Variants in NELL1 observed in about 807,000 individuals in gnomAD.
NELL1 encodes neural EGFL like 1, also known as protein kinase C-binding protein NELL1.
A neutral mutation model predicts 107.4 loss-of-function variants in NELL1; 76 were observed. The ratio of observed to expected loss-of-function variants is 0.71; its 90% confidence interval spans 0.59 to 0.86. NELL1 has a LOEUF of 0.86. Among genes scored for constraint, NELL1 ranks in the 40% least tolerant of loss-of-function variants. The pLI is 0.00. For synonymous variants in NELL1, 353 were observed against 341.2 expected, an observed-to-expected ratio of 1.03 and a Z score of -0.38; for missense variants, 1,024 against 1,005.5, an observed-to-expected ratio of 1.02 and a Z score of -0.25.
At chr11:20,704,417 C>T (rs771938808) in intron 2 of NELL1, among the ~76,000 whole-genome samples, 4 of 152,076 alleles carry the variant, frequency 2.6e-5, no homozygotes, top group Admixed American at 6.6e-5. Flanking sequence ...TGAGATGGGT[C>T]TCCTGAACAC....
intron 12 of NELL1, among the ~76,000 whole-genome samples, chr11:20,992,778 G>A (rs1321804710): frequency 2.8e-5 from 4 of 143,346 alleles, no homozygotes; most frequent in Non-Finnish European, 4.5e-5. Flanking sequence ...GCAATGGTGC[G>A]ATCTTGGCTC....
chr11:20,948,950 C>CT (rs200827438), intron 11 of NELL1, among the ~76,000 whole-genome samples: 66 of 150,992 alleles, frequency 4.4e-4, no homozygotes, highest in Admixed American at 2.0e-3. Flanking sequence ...TCATATTTTG[C>CT]TTTTTTTTTC....
chr11:21,010,424 C>A (rs986779351), intron 12 of NELL1, among the ~76,000 whole-genome samples: 1 of 152,080 alleles, frequency 6.6e-6, no homozygotes, highest in African/African-American at 2.4e-5. Flanking sequence ...GAGCTAGGAT[C>A]AACTGGAAGC....
rs561624518 is a variant in NELL1 at position 21,252,060 on chromosome 11, C to G, written c.1549+22606C>G. On this transcript the variant is annotated intron_variant, in intron 14 of 19. Coordinates refer to ENST00000357134, the MANE Select transcript of NELL1 (RefSeq NM_006157.5). ...AGACTGTGTCACATGTTTACACACA[C>G]TGCTCCATTTAATTCTTGCTAAATC... Among the ~76,000 whole-genome samples, 3 of 152,306 alleles carry G rather than the reference C, an allele frequency of 2.0e-5. No homozygotes were observed. In the South Asian group the frequency reaches 6.2e-4, roughly 32 times the overall value.
chr11:21,324,942 G>A (rs1850095722), intron 14 of NELL1, among the ~76,000 whole-genome samples: 1 of 152,004 alleles, frequency 6.6e-6, no homozygotes, highest in African/African-American at 2.4e-5. Flanking sequence ...TGTCTCCTGA[G>A]TGTTTTAGAA....
At chr11:20,970,053 G>GTCCATCCATCCA (rs3046320) in intron 12 of NELL1, among the ~76,000 whole-genome samples, 4 of 125,968 alleles carry the variant, frequency 3.2e-5, no homozygotes, top group Admixed American at 8.0e-5. Context: ...CTATCTCTCT[G>GTCCATCCATCCA]TCCATCCATC....
At chr11:21,098,628 C>T (rs1003792573) in intron 12 of NELL1, among the ~76,000 whole-genome samples, 2 of 152,128 alleles carry the variant, frequency 1.3e-5, no homozygotes, top group African/African-American at 2.4e-5. Flanking sequence ...CTGATGGTAC[C>T]ACTTTGTTGA....
intron 5 of NELL1, among the ~76,000 whole-genome samples, chr11:20,912,144 G>A (rs886803792): frequency 1.6e-4 from 24 of 152,222 alleles, no homozygotes; most frequent in African/African-American, 5.8e-4. Flanking sequence ...AAAAGCAAAA[G>A]CTCCTCACTT....
At chr11:21,483,659 T>C (rs2133903425) in intron 15 of NELL1, among the ~76,000 whole-genome samples, 1 of 151,814 alleles carries the variant, frequency 6.6e-6, no homozygotes, top group South Asian at 2.1e-4. Flanking sequence ...GCCTAGAAAA[T>C]AGTGTGAAAT....
chr11:21,309,282 A>ATATATATATAATATATATATATATATATG, intron 14 of NELL1, among the ~76,000 whole-genome samples: 1 of 10,318 alleles, frequency 9.7e-5, no homozygotes, highest in East Asian at 1.5e-3. Context: ...ATATATATGT[A>ATATATATATAATATATATATATATATATG]TATATATATA....
At chr11:20,673,030 T>C (rs921021251) in intron 1 of NELL1, among the ~76,000 whole-genome samples, 1 of 135,464 alleles carries the variant, frequency 7.4e-6, no homozygotes, top group African/African-American at 2.7e-5. Context: ...GCCTAGCTAA[T>C]TTTGTATTTT....
intron 3 of NELL1, among the ~76,000 whole-genome samples, chr11:20,787,544 CT>C: frequency 6.6e-6 from 1 of 152,154 alleles, no homozygotes; most frequent in South Asian, 2.1e-4. Flanking sequence ...GGATTTGGGG[CT>C]TTTCTTTATT....
chr11:20,962,803 T>C (rs903364220), intron 12 of NELL1, among the ~76,000 whole-genome samples: 2 of 152,208 alleles, frequency 1.3e-5, no homozygotes, highest in African/African-American at 4.8e-5. Context: ...GGTTGGGTAA[T>C]GGCAATGTGA....
rs1554922052 is a variant in NELL1 at position 21,489,404 on chromosome 11, A to AAAC, written c.1646-44968_1646-44967insCAA. Among the ~76,000 whole-genome samples the AAAC allele has an allele frequency of 4.4e-4, 60 of 137,268 alleles. 2 individuals are homozygous for AAAC. The highest frequency in any genetic ancestry group is 1.6e-3 in the African/African-American group (54 of 33,574). 90.1% of individuals were successfully genotyped at this position (137,268 alleles called of 152,430 possible). A position where few individuals can be genotyped will look rare whatever the true frequency, so the allele number is the denominator to read the frequency against. ...TCAAAAAAAAAAAAAAAAAAAAAAA[A>AAAC]AAAACAGAAGAAAAGGGAACTCTCC... On this transcript the variant is annotated intron_variant, in intron 15 of 19. Coordinates refer to ENST00000357134, the MANE Select transcript of NELL1 (RefSeq NM_006157.5).
At chr11:20,942,171 G>A (rs1850868707) in intron 10 of NELL1, among the ~76,000 whole-genome samples, 2 of 152,220 alleles carry the variant, frequency 1.3e-5, no homozygotes, top group African/African-American at 4.8e-5. Context: ...GTTCTTTATG[G>A]AGAGCTGGGA....
chr11:21,024,116 A>G (rs1852761091), intron 12 of NELL1, among the ~76,000 whole-genome samples: 1 of 152,114 alleles, frequency 6.6e-6, no homozygotes. Flanking sequence ...AAGAAGGCCT[A>G]GATAAGTTTT....
At chr11:21,292,103 G>C (rs2133961173) in intron 14 of NELL1, among the ~76,000 whole-genome samples, 1 of 152,286 alleles carries the variant, frequency 6.6e-6, no homozygotes, top group Non-Finnish European at 1.5e-5. Context: ...AAGAAATAAA[G>C]TGTATTCAAA....
intron 2 of NELL1, among the ~76,000 whole-genome samples, chr11:20,724,939 A>G (rs1194114284): frequency 6.6e-6 from 1 of 152,230 alleles, no homozygotes; most frequent in Non-Finnish European, 1.5e-5. Flanking sequence ...ACTTACAATC[A>G]TGGTAGAAGG....
chr11:20,685,194 T>C (rs1460790819), intron 2 of NELL1, among the ~76,000 whole-genome samples: 1 of 152,098 alleles, frequency 6.6e-6, no homozygotes, highest in African/African-American at 2.4e-5. Flanking sequence ...AGCAGTAAGC[T>C]ATGGTAATTA....
Sources: allele counts gnomAD v4.1 joint callset (sites outside exome capture counted in the v4.1 genomes callset), GRCh38; gene constraint gnomAD v4.1.1; transcripts MANE v1.5; gene names NCBI Gene and HGNC (gene_info 2026-07-23, HGNC 2026-07-21).